RABGAP1L: variants seen among roughly 807,000 people sequenced by gnomAD.
RABGAP1L encodes the protein RAB GTPase activating protein 1 like.
Under a neutral mutation model 137.7 loss-of-function variants are expected in RABGAP1L, and 63 were observed. That is an observed-to-expected ratio of 0.46 (90% CI 0.37 to 0.56). The LOEUF (loss-of-function observed/expected upper bound fraction) is 0.56, where lower values mean the gene tolerates loss of function less well. RABGAP1L is among the 20% of genes least tolerant of loss of function. The pLI, the probability that RABGAP1L is intolerant of heterozygous loss-of-function variation, is 0.00. For missense variants in RABGAP1L, 1,095 were observed against 1,244.0 expected (o/e 0.88, Z 1.80); for synonymous variants, 431 against 433.7 (o/e 0.99, Z 0.08).
At chr1:174,982,951 A>G in intron 24 of RABGAP1L, 46 bp downstream of exon 24, 1 of 1,537,582 alleles carries the variant, frequency 6.5e-7, no homozygotes. Flanking sequence ...TCAAAGTCAC[A>G]CAGGCTTGTA....
chr1:174,296,543 T>A (rs2148737186), intron 10 of RABGAP1L, among the ~76,000 whole-genome samples: 1 of 152,364 alleles, frequency 6.6e-6, no homozygotes, highest in East Asian at 1.9e-4. Flanking sequence ...AGAAGTTAAT[T>A]TCTTCGGCAG....
intron 19 of RABGAP1L, among the ~76,000 whole-genome samples, chr1:174,922,781 G>C (rs180841107): frequency 2.6e-5 from 4 of 152,290 alleles, no homozygotes. Flanking sequence ...CTCTGTCTTA[G>C]TTCAAATCCC....
chr1:174,231,617 C>T (rs893058979), intron 4 of RABGAP1L, among the ~76,000 whole-genome samples: 25 of 152,134 alleles, frequency 1.6e-4, no homozygotes, highest in Non-Finnish European at 2.5e-4. Context: ...CTTGGTTCTG[C>T]AGGGTGTATA....
At chr1:174,528,598 T>A (rs75231272) in intron 13 of RABGAP1L, among the ~76,000 whole-genome samples, 156 of 151,814 alleles carry the variant, frequency 1.0e-3, no homozygotes, top group African/African-American at 3.3e-3. Flanking sequence ...TTTTTTTTTT[T>A]AATTATAGGT....
In RABGAP1L at chr1:174,841,058, A is replaced by G. The variant is rs181467548; in HGVS notation, c.2340+29098A>G. Among the ~76,000 whole-genome samples, 974 of 152,294 alleles carry G rather than the reference A, an allele frequency of 6.4e-3. 6 individuals are homozygous for G. Among genetic ancestry groups the G allele is most frequent in the South Asian group, 0.022 (108 of 4,826 alleles). On this transcript the variant is annotated intron_variant, in intron 19 of 25. Transcript: ENST00000681986. ...ACAGAAAATATAAAGAATAATAGTTACATAGTAGTGATAAGAATGTTTATT... is the reference window on the plus strand; with the variant it reads ...ACAGAAAATATAAAGAATAATAGTTGCATAGTAGTGATAAGAATGTTTATT...
At chr1:174,412,393 T>C (rs929467333) in intron 13 of RABGAP1L, among the ~76,000 whole-genome samples, 3 of 151,982 alleles carry the variant, frequency 2.0e-5, no homozygotes, top group African/African-American at 7.2e-5. Context: ...AGACAGCAGA[T>C]GTATGAATCT....
chr1:174,819,831 AT>A (rs1419800036), intron 19 of RABGAP1L, among the ~76,000 whole-genome samples: 1 of 152,198 alleles, frequency 6.6e-6, no homozygotes, highest in Non-Finnish European at 1.5e-5. Flanking sequence ...AGGGAAATAT[AT>A]TAACAGGAAA....
chr1:174,385,948 G>A (rs1244551518), intron 12 of RABGAP1L, among the ~76,000 whole-genome samples: 1 of 152,150 alleles, frequency 6.6e-6, no homozygotes, highest in Non-Finnish European at 1.5e-5. Context: ...AGTGGATGTG[G>A]GTTGAGAGTT....
intron 19 of RABGAP1L, among the ~76,000 whole-genome samples, chr1:174,938,824 C>T (rs1389952820): frequency 4.6e-5 from 7 of 152,116 alleles, no homozygotes; most frequent in South Asian, 2.1e-4. Context: ...CTGGGCTGGA[C>T]GCATAGAAGG....
At chr1:174,649,430 T>G (rs1013832368) in intron 14 of RABGAP1L, among the ~76,000 whole-genome samples, 3 of 152,142 alleles carry the variant, frequency 2.0e-5, no homozygotes, top group Non-Finnish European at 4.4e-5. Flanking sequence ...GGCTTGTCTG[T>G]AAAGGATTTT....
At chr1:174,682,002 C>T (rs370975527) in intron 14 of RABGAP1L, among the ~76,000 whole-genome samples, 4 of 151,986 alleles carry the variant, frequency 2.6e-5, no homozygotes, top group East Asian at 3.9e-4. Context: ...TTTGGCAGGC[C>T]GGGCATGGTG....
intron 14 of RABGAP1L, among the ~76,000 whole-genome samples, chr1:174,674,332 G>A (rs1302737279): frequency 6.8e-6 from 1 of 146,266 alleles, no homozygotes; most frequent in Non-Finnish European, 1.5e-5. Flanking sequence ...AGTGGAACAT[G>A]TGGTGTTTGG....
At chr1:174,737,842 A>C (rs552559454) in intron 17 of RABGAP1L, among the ~76,000 whole-genome samples, 1 of 152,280 alleles carries the variant, frequency 6.6e-6, no homozygotes, top group East Asian at 1.9e-4. Context: ...TATCACATGG[A>C]AAGAGCGGGA....
intron 19 of RABGAP1L, among the ~76,000 whole-genome samples, chr1:174,902,957 C>T (rs934171651): frequency 6.6e-6 from 1 of 152,144 alleles, no homozygotes; most frequent in Non-Finnish European, 1.5e-5. Context: ...ATCTCTGAAG[C>T]TAATCTAAAA....
chr1:174,850,544 A>G (rs1343963447), intron 19 of RABGAP1L, among the ~76,000 whole-genome samples: 1 of 152,182 alleles, frequency 6.6e-6, no homozygotes, highest in Non-Finnish European at 1.5e-5. Context: ...TTTGTTTTAC[A>G]TTTGAACAAG....
At chr1:174,244,002 A>T (rs1205407163) in intron 5 of RABGAP1L, among the ~76,000 whole-genome samples, 2 of 152,114 alleles carry the variant, frequency 1.3e-5, no homozygotes, top group South Asian at 2.1e-4. Context: ...TACGTTTTGT[A>T]TTTTACCTGG....
chr1:174,189,265 A>G (rs1021765906), intron 1 of RABGAP1L, among the ~76,000 whole-genome samples: 6 of 152,252 alleles, frequency 3.9e-5, no homozygotes, highest in Non-Finnish European at 8.8e-5. Flanking sequence ...TCTGCCTCCC[A>G]AAGCACTAGG....
At chr1:174,408,706 C>T (rs1649558911) in intron 13 of RABGAP1L, among the ~76,000 whole-genome samples, 1 of 150,356 alleles carries the variant, frequency 6.7e-6, no homozygotes, top group Non-Finnish European at 1.5e-5. Context: ...TCCCCTTTCT[C>T]TGTAGCCTTG....
At chr1:174,500,600 T>G (rs1234514171) in intron 13 of RABGAP1L, among the ~76,000 whole-genome samples, 1 of 152,180 alleles carries the variant, frequency 6.6e-6, no homozygotes, top group African/African-American at 2.4e-5. Flanking sequence ...TGATAAGTAT[T>G]ATAGAAGTAG....
Sources: allele counts gnomAD v4.1 joint callset (sites outside exome capture counted in the v4.1 genomes callset), GRCh38; gene constraint gnomAD v4.1.1; transcripts MANE v1.5; gene names NCBI Gene and HGNC (gene_info 2026-07-23, HGNC 2026-07-21).